The following ST8SIA6 variants were observed in gnomAD, a reference collection of about 807,000 sequenced individuals.
ST8SIA6 encodes the protein alpha-2,8-sialyltransferase 8F.
In ST8SIA6, 39 loss-of-function variants were observed where a neutral mutation model predicts 33.6. The ratio of observed to expected loss-of-function variants is 1.16; its 90% confidence interval spans 0.90 to 1.52. The LOEUF (loss-of-function observed/expected upper bound fraction) is 1.52. Ranked by LOEUF, ST8SIA6 falls within the 40% of genes most tolerant of loss-of-function variation. ST8SIA6 has a pLI of 0.00. For synonymous variants in ST8SIA6, 172 were observed against 167.2 expected (o/e 1.03, Z -0.22); for missense variants, 441 against 443.8 (o/e 0.99, Z 0.06).
intron 2 of ST8SIA6, among the ~76,000 whole-genome samples, chr10:17,421,409 C>T (rs548269496): frequency 5.3e-5 from 8 of 152,166 alleles, no homozygotes; most frequent in Non-Finnish European, 8.8e-5. Flanking sequence ...TACAGCAGTC[C>T]GTAATACAAA....
intron 7 of ST8SIA6, among the ~76,000 whole-genome samples, chr10:17,322,263 GAAAGA>G (rs1490339521): frequency 1.3e-5 from 2 of 150,796 alleles, no homozygotes; most frequent in African/African-American, 2.4e-5. Context: ...GAAAAAGAGA[GAAAGA>G]AAAGAAGGAG....
intron 4 of ST8SIA6, among the ~76,000 whole-genome samples, chr10:17,342,903 C>A (rs893327705): frequency 6.6e-6 from 1 of 152,008 alleles, no homozygotes. Context: ...GAGCTGAGAT[C>A]GCGCCACCAT....
intron 2 of ST8SIA6, among the ~76,000 whole-genome samples, chr10:17,396,735 C>T (rs898797128): frequency 3.9e-5 from 6 of 152,274 alleles, no homozygotes; most frequent in African/African-American, 7.2e-5. Context: ...CAAAAACAAA[C>T]GAAATCACCC....
intron 4 of ST8SIA6, among the ~76,000 whole-genome samples, chr10:17,352,538 A>AT (rs796967658): frequency 7.6e-4 from 116 of 152,288 alleles, no homozygotes; most frequent in African/African-American, 2.6e-3. Flanking sequence ...GGAAAAGAGA[A>AT]TTTGAAACAC....
At chr10:17,323,229 G>GCACACACACA in intron 6 of ST8SIA6, 72 bp from the exon 7 acceptor site, 2 of 793,950 alleles carry the variant, frequency 2.5e-6, no homozygotes, top group Non-Finnish European at 4.1e-6. Flanking sequence ...ACATATGCGC[G>GCACACACACA]CACACACACA....
chr10:17,346,463 A>G (rs1312288155), intron 4 of ST8SIA6, among the ~76,000 whole-genome samples: 2 of 152,140 alleles, frequency 1.3e-5, no homozygotes, highest in Admixed American at 6.5e-5. Flanking sequence ...GCTTGGTGGC[A>G]TGCTCCTATA....
At chr10:17,401,559 C>T (rs1178995196) in intron 2 of ST8SIA6, among the ~76,000 whole-genome samples, 1 of 152,212 alleles carries the variant, frequency 6.6e-6, no homozygotes, top group Non-Finnish European at 1.5e-5. Context: ...ACCAAAACAG[C>T]ATGGTACTGG....
intron 6 of ST8SIA6, among the ~76,000 whole-genome samples, chr10:17,324,845 ATAT>A (rs1206899062): frequency 1.4e-5 from 2 of 146,158 alleles, no homozygotes; most frequent in African/African-American, 5.0e-5. Flanking sequence ...ATTATATGTA[ATAT>A]TAGTATATTA....
intron 2 of ST8SIA6, among the ~76,000 whole-genome samples, chr10:17,418,419 G>A (rs1381161920): frequency 6.6e-6 from 1 of 152,134 alleles, no homozygotes; most frequent in Non-Finnish European, 1.5e-5. Flanking sequence ...ATGTTGAGTT[G>A]TGCTTCCTGA....
At chr10:17,412,748 A>G (rs1460689753) in intron 2 of ST8SIA6, among the ~76,000 whole-genome samples, 1 of 142,230 alleles carries the variant, frequency 7.0e-6, no homozygotes, top group Admixed American at 7.1e-5. Flanking sequence ...ATATGATAGA[A>G]GAAATAAGAC....
chr10:17,424,726 A>C (rs1466109079), intron 2 of ST8SIA6, among the ~76,000 whole-genome samples: 1 of 151,740 alleles, frequency 6.6e-6, no homozygotes, highest in Non-Finnish European at 1.5e-5. Context: ...GAAATAATAC[A>C]TAACATCATA....
intron 4 of ST8SIA6, among the ~76,000 whole-genome samples, chr10:17,346,431 A>G (rs1418613109): frequency 1.3e-5 from 2 of 152,142 alleles, no homozygotes; most frequent in Non-Finnish European, 2.9e-5. Context: ...CCATCTTTAC[A>G]ACAATTTCAA....
At chr10:17,325,264 C>T (rs1222765740) in intron 6 of ST8SIA6, among the ~76,000 whole-genome samples, 1 of 143,100 alleles carries the variant, frequency 7.0e-6, no homozygotes, top group Non-Finnish European at 1.5e-5. Context: ...ATATTATATA[C>T]TATACAATGT....
At chr10:17,412,083 C>G (rs1440140447) in intron 2 of ST8SIA6, among the ~76,000 whole-genome samples, 2 of 152,082 alleles carry the variant, frequency 1.3e-5, no homozygotes, top group Non-Finnish European at 2.9e-5. Flanking sequence ...CCTGTCTCAA[C>G]TTCTACCCCC....
chr10:17,365,365 A>ATTTT (rs1588844150), intron 3 of ST8SIA6, among the ~76,000 whole-genome samples: 2 of 152,352 alleles, frequency 1.3e-5, no homozygotes, highest in East Asian at 1.9e-4. Flanking sequence ...TAAAATGGTT[A>ATTTT]AATATTTACA....
At chr10:17,395,167 C>T (rs1850763118) in intron 2 of ST8SIA6, among the ~76,000 whole-genome samples, 1 of 152,150 alleles carries the variant, frequency 6.6e-6, no homozygotes, top group African/African-American at 2.4e-5. Context: ...CTCATTCTCT[C>T]TCTTGTCTAC....
chr10:17,453,545 G>A lies in ST8SIA6; in HGVS notation c.200+14C>T. Reference sequence around the variant, plus strand: ...TCCCGAGCCCCAGTCCGCCCGCGCTGGGCGCCGCTGTACCTGTTAGTGGCG... The same window carrying A: ...TCCCGAGCCCCAGTCCGCCCGCGCTAGGCGCCGCTGTACCTGTTAGTGGCG... On this transcript the variant is annotated intron_variant, in intron 2 of 7. Coordinates refer to ENST00000377602, the MANE Select transcript of ST8SIA6 (RefSeq NM_001004470.3). The A allele has an allele frequency of 7.7e-7, 1 of 1,292,488 alleles. No individual in the cohort carries two copies. Among genetic ancestry groups the A allele is most frequent in the African/African-American group, 1.5e-5 (1 of 65,492 alleles). The allele number at this position is 1,292,488 out of a possible 1,614,324, so 80.1% of individuals were successfully genotyped here.
intron 2 of ST8SIA6, among the ~76,000 whole-genome samples, chr10:17,411,172 T>TGG (rs111304407): frequency 2.0e-3 from 299 of 150,064 alleles, no homozygotes; most frequent in African/African-American, 7.0e-3. Context: ...CTTGAACTCT[T>TGG]TGTGTGTGTG....
rs376032589 is a variant in ST8SIA6, at chr10:17,321,169, C to A, written c.906G>T (p.Lys302Asn). ...ARQKVLFFHP[K>N]YLKDLALFWR... is the part of the protein sequence containing the mutation. ...AGAAAAGGGCCAGATCTTTCAGGTA[C>A]TTGGGATGGAAAAATAGAACCTTTT... The change falls in exon 8 of 8, where the codon AAG becomes AAT. Residue 302 changes from lysine (K) to asparagine (N), a missense_variant. Physicochemically the swap from Lys to Asn is moderately conservative, Grantham distance 94. Transcript: ENST00000377602. 2 of 1,614,038 alleles carry A rather than the reference C, an allele frequency of 1.2e-6. No individual in the cohort carries two copies. The highest frequency in any genetic ancestry group is 1.7e-6 in the Non-Finnish European group (2 of 1,179,994).
Sources: allele counts gnomAD v4.1 joint callset (sites outside exome capture counted in the v4.1 genomes callset), GRCh38; gene constraint gnomAD v4.1.1; transcripts MANE v1.5; gene names NCBI Gene and HGNC (gene_info 2026-07-23, HGNC 2026-07-21).